Variants in NFATC3 observed in about 807,000 individuals in gnomAD.
NFATC3 encodes nuclear factor of activated T cells 3.
In NFATC3, 46 loss-of-function variants were observed where a neutral mutation model predicts 98.6. The observed-to-expected ratio is 0.47, with a 90% CI of 0.37 to 0.60. The LOEUF (loss-of-function observed/expected upper bound fraction) is 0.60, where lower values mean the gene tolerates loss of function less well. Among genes scored for constraint, NFATC3 ranks in the 20% least tolerant of loss-of-function variants. NFATC3 has a pLI of 0.00. For synonymous variants in NFATC3, 512 were observed against 472.2 expected (o/e 1.08, Z -1.09); for missense variants, 1,256 against 1,295.5 (o/e 0.97, Z 0.47).
chr16:68,169,681 C>T (rs2039369195), intron 5 of NFATC3, among the ~76,000 whole-genome samples: 1 of 152,130 alleles, frequency 6.6e-6, no homozygotes, highest in African/African-American at 2.4e-5. Flanking sequence ...TGGCTCATAA[C>T]TGTAATCCCA....
In NFATC3 at chr16:68,229,212, C is replaced by G. The variant is rs1370394793; in HGVS notation, c.*2741C>G. ...AGGGAAGAAGAGCCAGCAGTTGAGGCTCCTCAGTTTTAGTGCTGAAATAAT... is the reference window on the plus strand; with the variant it reads ...AGGGAAGAAGAGCCAGCAGTTGAGGGTCCTCAGTTTTAGTGCTGAAATAAT... On this transcript the variant is annotated 3_prime_UTR_variant, in exon 10 of 10. Coordinates refer to ENST00000346183, the MANE Select transcript of NFATC3 (RefSeq NM_173165.3). 1.3e-5 allele frequency: 2 copies of G among 152,210 alleles called. No homozygotes were observed. Among genetic ancestry groups the G allele is most frequent in the Non-Finnish European group, 2.9e-5 (2 of 68,036 alleles). 9.4% of individuals were successfully genotyped at this position (152,210 alleles called of 1,614,324 possible). A position where few individuals can be genotyped will look rare whatever the true frequency, so the allele number is the denominator to read the frequency against.
chr16:68,096,708 G>C (rs1482457228), intron 1 of NFATC3, among the ~76,000 whole-genome samples: 1 of 152,174 alleles, frequency 6.6e-6, no homozygotes, highest in Admixed American at 6.6e-5. Context: ...GAGTTCACCA[G>C]GTGGCTAAGG....
At chr16:68,164,444 T>G (rs1432807202) in intron 4 of NFATC3, among the ~76,000 whole-genome samples, 1 of 152,146 alleles carries the variant, frequency 6.6e-6, no homozygotes, top group Non-Finnish European at 1.5e-5. Flanking sequence ...CTAATCTCTT[T>G]TCTAAGACCA....
chr16:68,158,641 G>A (rs1476076180), intron 4 of NFATC3, among the ~76,000 whole-genome samples: 1 of 152,140 alleles, frequency 6.6e-6, no homozygotes, highest in Non-Finnish European at 1.5e-5. Flanking sequence ...AGCTGCATAA[G>A]TCATTAGGGC....
intron 1 of NFATC3, among the ~76,000 whole-genome samples, chr16:68,105,272 G>A (rs532487412): frequency 6.6e-6 from 1 of 151,902 alleles, no homozygotes; most frequent in East Asian, 1.9e-4. Context: ...TGTATTTTTA[G>A]TAGAGACAGG....
At chr16:68,156,400 C>G (rs895522449) in intron 3 of NFATC3, among the ~76,000 whole-genome samples, 1 of 152,276 alleles carries the variant, frequency 6.6e-6, no homozygotes, top group Non-Finnish European at 1.5e-5. Context: ...AAACCGATAT[C>G]CTTCATGAAT....
At chr16:68,103,246 A>C (rs897052432) in intron 1 of NFATC3, among the ~76,000 whole-genome samples, 1 of 151,320 alleles carries the variant, frequency 6.6e-6, no homozygotes, top group Non-Finnish European at 1.5e-5. Context: ...TCTGTTGCCC[A>C]GGCTGGAATG....
intron 1 of NFATC3, among the ~76,000 whole-genome samples, chr16:68,098,297 ATTATT>A (rs1275823273): frequency 3.6e-4 from 37 of 101,432 alleles, no homozygotes; most frequent in South Asian, 1.5e-3. Flanking sequence ...TATTATTATT[ATTATT>A]TTTTTTTTTT....
rs369137979 is a variant in NFATC3 at position 68,087,825 on chromosome 16, A to G, written c.103+2041A>G. On this transcript the variant is annotated intron_variant, in intron 1 of 9. Coordinates refer to ENST00000346183, the MANE Select transcript of NFATC3 (RefSeq NM_173165.3). ...AATATGTGACCTTTTGTGTCGGACT[A>G]CCTCATTCCTTTCTATGGCTGAATA... Among the ~76,000 whole-genome samples, 4 of 152,144 alleles carry G rather than the reference A, an allele frequency of 2.6e-5. No individual in the cohort carries two copies. In the East Asian group the frequency reaches 5.8e-4, roughly 22 times the overall value.
At chr16:68,174,987 C>T (rs1228729472) in intron 6 of NFATC3, among the ~76,000 whole-genome samples, 1 of 152,166 alleles carries the variant, frequency 6.6e-6, no homozygotes, top group African/African-American at 2.4e-5. Context: ...TTTATAGCAA[C>T]TTTATTTATA....
At chr16:68,211,711 G>A (rs560089186) in intron 9 of NFATC3, among the ~76,000 whole-genome samples, 4 of 151,316 alleles carry the variant, frequency 2.6e-5, no homozygotes, top group African/African-American at 4.9e-5. Flanking sequence ...TAGTAGAGAC[G>A]GGGTTTCACC....
At position 68,191,514 on chromosome 16, in the gene NFATC3, C is replaced by G. The variant is rs770754879; in HGVS notation, c.2845C>G (p.Pro949Ala). Residue 949 changes from proline to alanine, a missense_variant, in exon 9 of 10, where the codon CCT becomes GCT. Pro to Ala is a conservative substitution (Grantham distance 27, BLOSUM62 -1). This residue lies in a region of NFATC3 where 636 missense variants were observed against 617.3 expected (regional missense o/e 1.03). Coordinates refer to ENST00000346183, the MANE Select transcript of NFATC3 (RefSeq NM_173165.3). ...TGGGCCACCATCTCCTCAGCTTCAG[C>G]CTATGCCTTACCAATCTCCTAGCTC... ...LSGPPSPQLQPMPYQSPSSGT... is the reference protein window; with the variant it reads ...LSGPPSPQLQAMPYQSPSSGT... 5 of 1,614,164 alleles carry G rather than the reference C, an allele frequency of 3.1e-6. No individual in the cohort carries two copies. The Admixed American group carries it at 8.3e-5, about 27-fold the overall frequency.
At chr16:68,160,262 G>A (rs1329459786) in intron 4 of NFATC3, among the ~76,000 whole-genome samples, 2 of 151,818 alleles carry the variant, frequency 1.3e-5, no homozygotes, top group East Asian at 3.9e-4. Context: ...TCAGGAGTTC[G>A]AGACCAGCGT....
chr16:68,224,120 C>G (rs1049980114), intron 9 of NFATC3, among the ~76,000 whole-genome samples: 1 of 130,232 alleles, frequency 7.7e-6, no homozygotes, highest in South Asian at 2.5e-4. Flanking sequence ...GTGGCATGCA[C>G]CAGTTTAAAA....
chr16:68,153,835 G>C (rs1035743944), intron 3 of NFATC3, among the ~76,000 whole-genome samples: 2 of 151,668 alleles, frequency 1.3e-5, no homozygotes, highest in African/African-American at 4.9e-5. Context: ...GGATGGTCTC[G>C]ATCTCCTGAC....
At chr16:68,216,730 A>G (rs775270746) in intron 9 of NFATC3, among the ~76,000 whole-genome samples, 1 of 151,956 alleles carries the variant, frequency 6.6e-6, no homozygotes, top group Non-Finnish European at 1.5e-5. Context: ...ATGGGATTTC[A>G]CCGTGTTGGC....
At chr16:68,167,810 C>CCTTTTTTTTTTTTTT (rs2039270785) in intron 5 of NFATC3, among the ~76,000 whole-genome samples, 1 of 23,898 alleles carries the variant, frequency 4.2e-5, no homozygotes, top group Admixed American at 7.6e-4. Context: ...CGTATGTGTT[C>CCTTTTTTTTTTTTTT]TTTTTTTTTT....
chr16:68,174,351 C>A, intron 5 of NFATC3, 23 bp from the exon 6 acceptor site: 1 of 1,373,126 alleles, frequency 7.3e-7, no homozygotes. Flanking sequence ...TTTTTCTCAA[C>A]TCTTTAAAAA....
At chr16:68,121,771 A>G (rs1016081178) in intron 1 of NFATC3, among the ~76,000 whole-genome samples, 8 of 152,124 alleles carry the variant, frequency 5.3e-5, no homozygotes, top group Non-Finnish European at 1.0e-4. Context: ...ATGTAATTGT[A>G]TATGTAATAA....
Sources: allele counts gnomAD v4.1 joint callset (sites outside exome capture counted in the v4.1 genomes callset), GRCh38; gene constraint gnomAD v4.1.1; regional missense constraint gnomAD v4.1.1; transcripts MANE v1.5; gene names NCBI Gene and HGNC (gene_info 2026-07-23, HGNC 2026-07-21).